JAM2: variants seen among roughly 807,000 people sequenced by gnomAD.
The protein encoded by JAM2 is junctional adhesion molecule 2.
A neutral mutation model predicts 42.0 loss-of-function variants in JAM2; 17 were observed. The ratio of observed to expected loss-of-function variants is 0.40; its 90% CI spans 0.28 to 0.61. JAM2 has a LOEUF of 0.61. Among genes scored for constraint, JAM2 ranks in the 20% least tolerant of loss-of-function variants. The pLI is 0.37. For missense variants in JAM2, 319 were observed against 358.3 expected, an observed-to-expected ratio of 0.89 and a Z score of 0.89; for synonymous variants, 118 against 128.6, an observed-to-expected ratio of 0.92 and a Z score of 0.56.
chr21:25,699,131 G>C (rs552776398), intron 5 of JAM2, among the ~76,000 whole-genome samples: 17 of 152,226 alleles, frequency 1.1e-4, no homozygotes, highest in African/African-American at 2.6e-4. Flanking sequence ...AGGGGCAAAG[G>C]CTCCTGAAAC....
In JAM2 at chr21:25,702,237, A is replaced by G. The variant is rs375917953; in HGVS notation, c.665A>G (p.Tyr222Cys). Reference sequence around the variant, plus strand: ...TGTGAAGCCCGCAATTCTGTTGGATATCGCAGGTGTCCTGGGAAACGAATG... The same window carrying G: ...TGTGAAGCCCGCAATTCTGTTGGATGTCGCAGGTGTCCTGGGAAACGAATG... ...YSCEARNSVG[Y>C]RRCPGKRMQV... Residue 222 changes from tyrosine to cysteine, a missense_variant, in exon 6 of 10, where the codon TAT (tyrosine) becomes TGT (cysteine). Coordinates refer to ENST00000480456, the MANE Select transcript of JAM2 (RefSeq NM_021219.4). 4.4e-6 allele frequency: 7 copies of G among 1,598,818 alleles called. No individual in the cohort carries two copies. The highest frequency in any genetic ancestry group is 6.0e-6 in the Non-Finnish European group (7 of 1,168,284).
intron 3 of JAM2, among the ~76,000 whole-genome samples, chr21:25,692,882 A>G (rs1196798366): frequency 6.6e-6 from 1 of 152,226 alleles, no homozygotes; most frequent in Non-Finnish European, 1.5e-5. Flanking sequence ...TTTAAAAAAG[A>G]TATTATTATC....
At chr21:25,642,033 T>C (rs1427154122) in intron 1 of JAM2, among the ~76,000 whole-genome samples, 1 of 152,158 alleles carries the variant, frequency 6.6e-6, no homozygotes, top group Non-Finnish European at 1.5e-5. Flanking sequence ...TTTCATCACA[T>C]TATCTCCAGG....
In JAM2 at chr21:25,693,923, T is replaced by C. The variant is rs116997246; in HGVS notation, c.394+15T>C. ...GGAAGTATTAGGTGATGTGCATGTATGTGTGTGACTACGTCTCCCACTCCT... is the reference window on the plus strand; with the variant it reads ...GGAAGTATTAGGTGATGTGCATGTACGTGTGTGACTACGTCTCCCACTCCT... On this transcript the variant is annotated intron_variant, in intron 4 of 9. Transcript: ENST00000480456. 5.3e-4 allele frequency: 851 copies of C among 1,612,102 alleles called. No individual in the cohort carries two copies. Among genetic ancestry groups the C allele is most frequent in the Admixed American group, 1.1e-3 (67 of 59,902 alleles).
chr21:25,696,576 C>T (rs2034040723), intron 4 of JAM2, among the ~76,000 whole-genome samples: 1 of 152,210 alleles, frequency 6.6e-6, no homozygotes, highest in Admixed American at 6.5e-5. Context: ...CTAAATAGTT[C>T]TGTAGAGCGG....
chr21:25,701,104 G>T (rs561095470), intron 5 of JAM2, among the ~76,000 whole-genome samples: 1 of 152,324 alleles, frequency 6.6e-6, no homozygotes, highest in East Asian at 1.9e-4. Context: ...GTGTATGGAA[G>T]CCAATGACTT....
At chr21:25,709,779 C>T (rs1416201506) in intron 8 of JAM2, 2 of 214,922 alleles carry the variant, frequency 9.3e-6, no homozygotes, top group Non-Finnish European at 1.9e-5. Context: ...CGGGAGCAGG[C>T]ACGTCACATG....
chr21:25,697,776 G>A lies in JAM2; in HGVS notation c.395-901G>A, dbSNP rs995204299. On this transcript the variant is annotated intron_variant, in intron 4 of 9. Transcript: ENST00000480456. ...AAAAATTAGCTGGTCGTGGTGGCTCGAGCCTATATTCCAGCTACTGGGGAG... is the reference window on the plus strand; with the variant it reads ...AAAAATTAGCTGGTCGTGGTGGCTCAAGCCTATATTCCAGCTACTGGGGAG... 2.0e-5 allele frequency among the ~76,000 whole-genome samples: 3 copies of A among 151,964 alleles called. No homozygotes were observed. The East Asian group carries it at 5.8e-4, about 29-fold the overall frequency.
chr21:25,686,484 T>C (rs1194034523), intron 2 of JAM2, among the ~76,000 whole-genome samples: 1 of 152,246 alleles, frequency 6.6e-6, no homozygotes, highest in Admixed American at 6.5e-5. Flanking sequence ...TCATTTGTTA[T>C]GCCTTGTTTC....
At chr21:25,687,043 CTA>C (rs940173357) in intron 2 of JAM2, among the ~76,000 whole-genome samples, 32 of 152,160 alleles carry the variant, frequency 2.1e-4, no homozygotes, top group African/African-American at 7.7e-4. Context: ...TAATTTATAT[CTA>C]TATTTTTTGC....
intron 1 of JAM2, among the ~76,000 whole-genome samples, chr21:25,677,031 T>C (rs1028451136): frequency 2.0e-5 from 3 of 152,026 alleles, no homozygotes; most frequent in East Asian, 1.9e-4. Context: ...CTGAAGTAAA[T>C]AGAATTAGAG....
At chr21:25,687,758 T>C (rs2123375089) in intron 2 of JAM2, among the ~76,000 whole-genome samples, 1 of 152,314 alleles carries the variant, frequency 6.6e-6, no homozygotes, top group East Asian at 1.9e-4. Context: ...CAAAGAACCA[T>C]ATAATGAATT....
At chr21:25,713,983 C>T (rs138804820) in intron 9 of JAM2, among the ~76,000 whole-genome samples, 219 of 152,350 alleles carry the variant, frequency 1.4e-3, no homozygotes, top group Non-Finnish European at 2.5e-3. Flanking sequence ...CTCAGCACTA[C>T]TGATATTTTG....
chr21:25,706,885 T>A (rs904946485), intron 7 of JAM2, among the ~76,000 whole-genome samples: 1 of 152,038 alleles, frequency 6.6e-6, no homozygotes, highest in Non-Finnish European at 1.5e-5. Flanking sequence ...GACTACAGGC[T>A]CCCGCCACCA....
chr21:25,670,805 T>G lies in JAM2; in HGVS notation c.68-13078T>G, dbSNP rs190254093. Among the ~76,000 whole-genome samples, 11 of 152,334 alleles carry G rather than the reference T, an allele frequency of 7.2e-5. No individual in the cohort carries two copies. The East Asian group carries it at 2.1e-3, about 29-fold the overall frequency. ...ATTCTTAGGAATCTTGCCTGACAAT[T>G]GTGAATATGACAGTTAAGCAATGCC... On this transcript the variant is annotated intron_variant, in intron 1 of 9. Transcript: ENST00000480456.
At chr21:25,653,728 A>G (rs1418317496) in intron 1 of JAM2, among the ~76,000 whole-genome samples, 1 of 152,134 alleles carries the variant, frequency 6.6e-6, no homozygotes, top group Non-Finnish European at 1.5e-5. Context: ...GATGGGGATT[A>G]TGGGGATTAC....
chr21:25,696,862 T>C (rs1054703064), intron 4 of JAM2, among the ~76,000 whole-genome samples: 2 of 152,130 alleles, frequency 1.3e-5, no homozygotes, highest in Admixed American at 6.5e-5. Context: ...CATATCAAAT[T>C]CTTGTACTTC....
intron 1 of JAM2, among the ~76,000 whole-genome samples, chr21:25,651,166 A>T (rs1330042992): frequency 7.2e-5 from 11 of 152,010 alleles, no homozygotes; most frequent in Non-Finnish European, 1.5e-4. Flanking sequence ...CCCTAAACAA[A>T]TCCAAAGATA....
Position 25,693,877 on chromosome 21 carries a change from G to A in JAM2, c.363G>A (p.Leu121=), listed in dbSNP as rs1378199264. The A allele has an allele frequency of 3.1e-6, 5 of 1,614,172 alleles. No homozygotes were observed. In the African/African-American group the frequency reaches 4.0e-5, roughly 13 times the overall value. ...CCCCATCTGAGCAAGGCCAAAACCT[G>A]GAAGAGGATACAGTCACTCTGGAAG... The part of the protein sequence containing the change: ...VSAPSEQGQN[L]EEDTVTLEVL... Residue 121 remains leucine (L), a synonymous_variant, in exon 4 of 10, where the codon CTG becomes CTA. Coordinates refer to ENST00000480456, the MANE Select transcript of JAM2 (RefSeq NM_021219.4).
Sources: gnomAD v4.1 joint callset for allele counts (sites outside exome capture counted in the v4.1 genomes callset) on GRCh38, gnomAD v4.1.1 for gene constraint, MANE v1.5 for transcripts, NCBI Gene and HGNC (gene_info 2026-07-23, HGNC 2026-07-21) for gene names.